DROSHA: variants seen among roughly 807,000 people sequenced by gnomAD.
DROSHA encodes the protein drosha ribonuclease III.
DROSHA carries 56 observed loss-of-function variants against 181.9 expected under a neutral mutation model. That is an observed-to-expected ratio of 0.31 (90% CI 0.25 to 0.38). The LOEUF (loss-of-function observed/expected upper bound fraction) is 0.38. DROSHA is among the 10% of genes least tolerant of loss of function. The pLI, the probability that DROSHA is intolerant of heterozygous loss-of-function variation, is 1.00. For synonymous variants in DROSHA, 524 were observed against 591.2 expected (o/e 0.89, Z 1.65); for missense variants, 1,218 against 1,743.5 (o/e 0.70, Z 5.37).
rs61543490 is a variant in DROSHA, at chr5:31,433,635, C to A, written c.3043-1957G>T. On this transcript the variant is annotated intron_variant, in intron 25 of 35. Transcript: ENST00000344624. ...TCTAGGCTCACTGCAAGCTCTGCCT[C>A]CAGGGTTCACGCCATTCTCCTGCCT... Among the ~76,000 whole-genome samples the A allele has an allele frequency of 0.013, 1,918 of 152,220 alleles. 107 individuals carry two copies. The East Asian group carries it at 0.2, about 16-fold the overall frequency.
chr5:31,507,458 C>CAAA (rs74582937), intron 10 of DROSHA, among the ~76,000 whole-genome samples: 3,378 of 122,720 alleles, frequency 0.028, 153 homozygotes, highest in African/African-American at 0.098. Context: ...AACTCTGTCT[C>CAAA]AAAAAAAAAA....
At chr5:31,405,585 T>C in intron 35 of DROSHA, 92 bp downstream of exon 35, 1 of 1,135,066 alleles carries the variant, frequency 8.8e-7, no homozygotes, top group Non-Finnish European at 1.3e-6. Context: ...TCACATTTTA[T>C]CAATACTTAC....
chr5:31,425,794 C>T (rs1293838081), intron 27 of DROSHA, among the ~76,000 whole-genome samples: 3 of 152,096 alleles, frequency 2.0e-5, no homozygotes, highest in Non-Finnish European at 4.4e-5. Context: ...GTCAGGCTGC[C>T]TGGGTCCAAT....
intron 3 of DROSHA, 104 bp from the exon 4 acceptor site, chr5:31,529,209 T>C: frequency 1.1e-6 from 1 of 941,694 alleles, no homozygotes; most frequent in Non-Finnish European, 1.6e-6. Context: ...TAGTTTCCAA[T>C]ACACTTAGCC....
rs558623982 is a variant in DROSHA, at chr5:31,465,964, T to C, written c.2466+218A>G. On this transcript the variant is annotated intron_variant, in intron 19 of 35. Transcript: ENST00000344624. ...AGTCTCAGGTATTCCTTTAGAGGAA[T>C]GCAAAACAGACTAATACAGGGATAA... Among the ~76,000 whole-genome samples the C allele has an allele frequency of 2.6e-4, 39 of 152,306 alleles. 1 individual carries two copies. In the South Asian group the frequency reaches 3.7e-3, roughly 15 times the overall value.
intron 26 of DROSHA, among the ~76,000 whole-genome samples, chr5:31,431,136 C>A (rs978845259): frequency 6.6e-6 from 1 of 152,078 alleles, no homozygotes; most frequent in Non-Finnish European, 1.5e-5. Context: ...CTGGGTGGGG[C>A]TTAAAAGATG....
At chr5:31,525,698 A>G (rs1740460761) in intron 5 of DROSHA, among the ~76,000 whole-genome samples, 1 of 152,090 alleles carries the variant, frequency 6.6e-6, no homozygotes, top group Non-Finnish European at 1.5e-5. Flanking sequence ...CGCCAGTTCC[A>G]AAAAAACTCA....
chr5:31,448,447 GAACATACTAA>G, intron 23 of DROSHA, 90 bp downstream of exon 23: 1 of 1,069,574 alleles, frequency 9.3e-7, no homozygotes. Flanking sequence ...ACAATTTTGT[GAACATACTAA>G]AAACCACTGA....
At chr5:31,440,015 A>T (rs1241506667) in intron 23 of DROSHA, among the ~76,000 whole-genome samples, 1 of 152,110 alleles carries the variant, frequency 6.6e-6, no homozygotes, top group Non-Finnish European at 1.5e-5. Context: ...GTCTCAACCC[A>T]TCTGGCTTTC....
chr5:31,511,738 T>C (rs1738703190), intron 8 of DROSHA, among the ~76,000 whole-genome samples: 1 of 151,104 alleles, frequency 6.6e-6, no homozygotes, highest in South Asian at 2.1e-4. Flanking sequence ...GAACAGTTCA[T>C]CTATGCCCTA....
At chr5:31,482,532 G>A (rs1325738843) in intron 16 of DROSHA, among the ~76,000 whole-genome samples, 2 of 152,150 alleles carry the variant, frequency 1.3e-5, no homozygotes, top group African/African-American at 2.4e-5. Flanking sequence ...TGGTGGCATG[G>A]TCCAAGGTTT....
At chr5:31,436,156 A>T (rs1744757348) in intron 24 of DROSHA, among the ~76,000 whole-genome samples, 1 of 152,232 alleles carries the variant, frequency 6.6e-6, no homozygotes, top group African/African-American at 2.4e-5. Flanking sequence ...ACACTCTAAG[A>T]GCAAACACAT....
chr5:31,465,637 T>G (rs1291118307), intron 19 of DROSHA, among the ~76,000 whole-genome samples: 2 of 152,196 alleles, frequency 1.3e-5, no homozygotes, highest in Non-Finnish European at 1.5e-5. Context: ...ATACCCAATG[T>G]GAGAGATGGG....
rs370319945 is a variant in DROSHA, at chr5:31,481,653, A to C, written c.2071+1901T>G. On this transcript the variant is annotated intron_variant, in intron 16 of 35. Transcript: ENST00000344624. ...GAATGCATTTCTAAACAAAATAAACATGAACAGTAATACTAAAAATCTGAG... is the reference window on the plus strand; with the variant it reads ...GAATGCATTTCTAAACAAAATAAACCTGAACAGTAATACTAAAAATCTGAG... Among the ~76,000 whole-genome samples the C allele has an allele frequency of 2.6e-5, 4 of 152,350 alleles. No individual in the cohort carries two copies. In the East Asian group the frequency reaches 7.7e-4, roughly 29 times the overall value.
intron 17 of DROSHA, among the ~76,000 whole-genome samples, chr5:31,469,307 A>T (rs1749471292): frequency 6.6e-6 from 1 of 152,110 alleles, no homozygotes; most frequent in Non-Finnish European, 1.5e-5. Context: ...TAGTGAGCTG[A>T]GATCGCACCA....
At chr5:31,446,733 G>A (rs1746350774) in intron 23 of DROSHA, among the ~76,000 whole-genome samples, 1 of 150,226 alleles carries the variant, frequency 6.7e-6, no homozygotes, top group Non-Finnish European at 1.5e-5. Context: ...GCCCTTCAGT[G>A]ATAGACTACA....
intron 23 of DROSHA, among the ~76,000 whole-genome samples, chr5:31,440,614 G>C (rs575890984): frequency 6.6e-6 from 1 of 152,268 alleles, no homozygotes; most frequent in African/African-American, 2.4e-5. Context: ...TTTAATTTAT[G>C]TGAAAACATC....
At chr5:31,495,410 G>A in intron 11 of DROSHA, 38 bp from the exon 12 acceptor site, 2 of 1,565,220 alleles carry the variant, frequency 1.3e-6, no homozygotes, top group Non-Finnish European at 1.8e-6. Flanking sequence ...TACAAGTAAA[G>A]CAAGAGTACT....
intron 14 of DROSHA, among the ~76,000 whole-genome samples, chr5:31,485,786 C>T (rs12653422): frequency 0.11 from 16,645 of 152,146 alleles, 1,188 homozygotes; most frequent in East Asian, 0.22. Context: ...CAATTTCCCC[C>T]TCCACACTCC....
Sources: allele counts gnomAD v4.1 joint callset (sites outside exome capture counted in the v4.1 genomes callset), GRCh38; gene constraint gnomAD v4.1.1; transcripts MANE v1.5; gene names NCBI Gene and HGNC (gene_info 2026-07-23, HGNC 2026-07-21).